Variants in ALK observed in about 807,000 individuals in gnomAD.
The protein encoded by ALK is ALK receptor tyrosine kinase, also known as ALK tyrosine kinase receptor.
In ALK, 74 loss-of-function variants were observed where a neutral mutation model predicts 163.1. The ratio of observed to expected loss-of-function variants is 0.45; its 90% CI spans 0.38 to 0.55. The LOEUF (loss-of-function observed/expected upper bound fraction) is 0.55. ALK is among the 20% of genes least tolerant of loss of function. ALK has a pLI of 0.00. For synonymous variants in ALK, 960 were observed against 843.2 expected (o/e 1.14, Z -2.40); for missense variants, 2,063 against 2,105.3 (o/e 0.98, Z 0.39).
intron 1 of ALK, among the ~76,000 whole-genome samples, chr2:29,752,476 T>C (rs1197727783): frequency 6.6e-6 from 1 of 151,102 alleles, no homozygotes; most frequent in Admixed American, 6.6e-5. Context: ...CAGCCTCCTG[T>C]GTAGCTGGGA....
At chr2:29,908,344 C>T (rs1273971394) in intron 1 of ALK, among the ~76,000 whole-genome samples, 2 of 151,606 alleles carry the variant, frequency 1.3e-5, no homozygotes, top group African/African-American at 4.9e-5. Flanking sequence ...TCTGTCTCTC[C>T]TTTCTCTTCT....
intron 4 of ALK, among the ~76,000 whole-genome samples, chr2:29,507,575 C>T (rs1421814541): frequency 6.6e-6 from 1 of 152,174 alleles, no homozygotes; most frequent in African/African-American, 2.4e-5. Context: ...ATGGAAAAAA[C>T]TAAGAGGCAG....
At chr2:29,808,026 G>A (rs72854275) in intron 1 of ALK, among the ~76,000 whole-genome samples, 5,158 of 152,190 alleles carry the variant, frequency 0.034, 303 homozygotes, top group African/African-American at 0.12. Flanking sequence ...TTTGGCCAAA[G>A]CATCTATCAA....
At chr2:29,529,660 C>T (rs948308994) in intron 4 of ALK, among the ~76,000 whole-genome samples, 13 of 152,366 alleles carry the variant, frequency 8.5e-5, no homozygotes, top group East Asian at 1.9e-4. Context: ...AGTAGCTCTG[C>T]GCTGCAGTGG....
intron 4 of ALK, among the ~76,000 whole-genome samples, chr2:29,396,385 C>T (rs542080460): frequency 2.6e-5 from 4 of 152,272 alleles, no homozygotes; most frequent in African/African-American, 9.6e-5. Context: ...CTCTTTAAAA[C>T]TCAAACATGG....
chr2:29,538,293 GATTGGATC>G (rs1673316419), intron 3 of ALK, among the ~76,000 whole-genome samples: 1 of 152,158 alleles, frequency 6.6e-6, no homozygotes, highest in Admixed American at 6.5e-5. Flanking sequence ...GGTGGGAGGT[GATTGGATC>G]ATGGGGGCAA....
chr2:29,725,950 G>A (rs769433691), intron 1 of ALK, among the ~76,000 whole-genome samples: 6 of 152,156 alleles, frequency 3.9e-5, no homozygotes, highest in Non-Finnish European at 8.8e-5. Flanking sequence ...TCCCAAGCAA[G>A]CACCTCCTGA....
chr2:29,781,132 G>A (rs1681320597), intron 1 of ALK, among the ~76,000 whole-genome samples: 1 of 152,220 alleles, frequency 6.6e-6, no homozygotes, highest in South Asian at 2.1e-4. Flanking sequence ...GGTAGTGAGA[G>A]AGAAACTTAC....
At chr2:29,802,558 A>AGAGGGGAGGGGAGGG (rs1553364340) in intron 1 of ALK, among the ~76,000 whole-genome samples, 1 of 2,058 alleles carries the variant, frequency 4.9e-4, no homozygotes, top group Non-Finnish European at 9.1e-4. Flanking sequence ...GGAGGGGAGG[A>AGAGGGGAGGGGAGGG]GAGGGGAGGG....
At chr2:29,231,873 G>C (rs564147100) in intron 15 of ALK, among the ~76,000 whole-genome samples, 2 of 152,194 alleles carry the variant, frequency 1.3e-5, no homozygotes, top group East Asian at 3.9e-4. Context: ...ATTTTCCAGC[G>C]GGGATACGCT....
At chr2:29,544,938 G>T (rs540928425) in intron 3 of ALK, among the ~76,000 whole-genome samples, 3 of 152,156 alleles carry the variant, frequency 2.0e-5, no homozygotes, top group Non-Finnish European at 4.4e-5. Flanking sequence ...ACAGCATATT[G>T]GTGGTGGATC....
intron 1 of ALK, among the ~76,000 whole-genome samples, chr2:29,800,792 A>G (rs1451637374): frequency 6.6e-6 from 1 of 152,230 alleles, no homozygotes; most frequent in African/African-American, 2.4e-5. Flanking sequence ...AAGAACCACA[A>G]TATTCCCAAC....
intron 3 of ALK, among the ~76,000 whole-genome samples, chr2:29,565,567 A>G (rs940227142): frequency 5.3e-5 from 8 of 152,154 alleles, no homozygotes; most frequent in Non-Finnish European, 1.2e-4. Flanking sequence ...AAACAAGAAG[A>G]GCCCTTGGGA....
rs377411921 is a variant in ALK, at chr2:29,742,969, A to G, written c.668-25272T>C. ...TGTACTTTGGCAACGTCTCAGCCAAATATCACAATAATGGCCAGGCTCTAG... is the reference window on the plus strand; with the variant it reads ...TGTACTTTGGCAACGTCTCAGCCAAGTATCACAATAATGGCCAGGCTCTAG... On this transcript the variant is annotated intron_variant, in intron 1 of 28. Coordinates refer to ENST00000389048, the MANE Select transcript of ALK (RefSeq NM_004304.5). 2.6e-5 allele frequency among the ~76,000 whole-genome samples: 4 copies of G among 152,240 alleles called. No individual in the cohort carries two copies. In the East Asian group the frequency reaches 7.7e-4, roughly 29 times the overall value.
chr2:29,486,375 G>C (rs1433341060), intron 4 of ALK, among the ~76,000 whole-genome samples: 1 of 151,902 alleles, frequency 6.6e-6, no homozygotes, highest in Non-Finnish European at 1.5e-5. Context: ...CCCAGAGACT[G>C]TTTGGTATGA....
intron 5 of ALK, among the ~76,000 whole-genome samples, chr2:29,371,943 G>C (rs1668647785): frequency 6.6e-6 from 1 of 152,204 alleles, no homozygotes; most frequent in African/African-American, 2.4e-5. Flanking sequence ...CCACCACTCA[G>C]AGTGTGGGTA....
intron 6 of ALK, among the ~76,000 whole-genome samples, chr2:29,326,408 C>T (rs943751755): frequency 6.6e-6 from 1 of 152,210 alleles, no homozygotes; most frequent in Non-Finnish European, 1.5e-5. Flanking sequence ...CGACCTGTGT[C>T]CCAGCTGGGA....
chr2:29,406,782 C>G (rs965515993), intron 4 of ALK, among the ~76,000 whole-genome samples: 1 of 151,964 alleles, frequency 6.6e-6, no homozygotes, highest in South Asian at 2.1e-4. Context: ...CTCCTGTAAT[C>G]CCGCTACTTC....
intron 5 of ALK, among the ~76,000 whole-genome samples, chr2:29,370,597 C>T (rs1462689912): frequency 6.6e-6 from 1 of 152,232 alleles, no homozygotes; most frequent in Non-Finnish European, 1.5e-5. Context: ...CTCTCTGGGC[C>T]TTTTAAGACC....
Sources: allele counts gnomAD v4.1 joint callset (sites outside exome capture counted in the v4.1 genomes callset), GRCh38; gene constraint gnomAD v4.1.1; transcripts MANE v1.5; gene names NCBI Gene and HGNC (gene_info 2026-07-23, HGNC 2026-07-21).